RAB18: variants seen among roughly 807,000 people sequenced by gnomAD.
RAB18 encodes RAB18, member RAS oncogene family.
In RAB18, 10 loss-of-function variants were observed where a neutral mutation model predicts 28.5. That is an observed-to-expected ratio of 0.35 (90% CI 0.22 to 0.60). RAB18 has a LOEUF of 0.60. Among genes scored for constraint, RAB18 ranks in the 20% least tolerant of loss-of-function variants. The probability of loss-of-function intolerance (pLI) is 0.78; values close to 1 mark genes in which losing one functional copy is unlikely to be tolerated. For missense variants in RAB18, 188 were observed against 244.2 expected (o/e 0.77, Z 1.53); for synonymous variants, 93 against 86.9 (o/e 1.07, Z -0.39).
At chr10:27,506,572 T>C (rs1367955362) in intron 1 of RAB18, among the ~76,000 whole-genome samples, 1 of 152,132 alleles carries the variant, frequency 6.6e-6, no homozygotes, top group Admixed American at 6.5e-5. Context: ...TCCTCCTGCC[T>C]TGACCTCCCA....
At chr10:27,512,795 T>C (rs1268664939) in intron 2 of RAB18, among the ~76,000 whole-genome samples, 3 of 152,038 alleles carry the variant, frequency 2.0e-5, no homozygotes, top group African/African-American at 7.2e-5. Flanking sequence ...CTGTCTTCAT[T>C]ACAAACCCAA....
chr10:27,537,716 A>G (rs1823987358), intron 6 of RAB18, among the ~76,000 whole-genome samples, 160 bp from the exon 7 acceptor site: 1 of 152,112 alleles, frequency 6.6e-6, no homozygotes, highest in South Asian at 2.1e-4. Context: ...CAATTTTGAG[A>G]TTTGGAAATT....
intron 6 of RAB18, among the ~76,000 whole-genome samples, chr10:27,536,031 G>C (rs919691420): frequency 1.3e-5 from 2 of 149,072 alleles, no homozygotes; most frequent in South Asian, 2.1e-4. Flanking sequence ...TGCAGTGAGC[G>C]AGATCACGCC....
At chr10:27,523,304 A>T (rs1589575752) in intron 2 of RAB18, among the ~76,000 whole-genome samples, 1 of 33,970 alleles carries the variant, frequency 2.9e-5, no homozygotes, top group African/African-American at 1.2e-4. Flanking sequence ...GGGCTTATTG[A>T]GCTTTTTTGA....
intron 2 of RAB18, chr10:27,510,583 A>T (rs1051518147): frequency 6.5e-6 from 1 of 152,782 alleles, no homozygotes; most frequent in Non-Finnish European, 1.5e-5. Context: ...TGAAGAGACC[A>T]CTTGGAATAG....
intron 3 of RAB18, among the ~76,000 whole-genome samples, chr10:27,530,736 G>A (rs1247700050): frequency 1.3e-5 from 2 of 151,682 alleles, no homozygotes; most frequent in African/African-American, 4.8e-5. Context: ...CACTTTTACT[G>A]ATACACATAG....
chr10:27,531,058 A>G (rs534204113), intron 3 of RAB18, among the ~76,000 whole-genome samples: 3 of 152,246 alleles, frequency 2.0e-5, no homozygotes, highest in Admixed American at 1.3e-4. Context: ...AGGTTTTGTA[A>G]GAAACTTAGA....
chr10:27,532,951 G>T (rs1486221928), intron 4 of RAB18, among the ~76,000 whole-genome samples: 1 of 151,984 alleles, frequency 6.6e-6, no homozygotes, highest in Non-Finnish European at 1.5e-5. Flanking sequence ...AGTAGAATCT[G>T]CTTTATTAGT....
At chr10:27,519,321 A>T (rs977109245) in intron 2 of RAB18, among the ~76,000 whole-genome samples, 22 of 152,244 alleles carry the variant, frequency 1.4e-4, no homozygotes, top group African/African-American at 4.1e-4. Flanking sequence ...AAAAACATAC[A>T]ACTAACATCA....
chr10:27,524,737 G>C (rs1170399555), intron 2 of RAB18, among the ~76,000 whole-genome samples: 1 of 152,190 alleles, frequency 6.6e-6, no homozygotes, highest in Non-Finnish European at 1.5e-5. Flanking sequence ...CTCTCAAAAA[G>C]ACTCCCACTG....
At chr10:27,525,044 A>G (rs1834644490) in intron 2 of RAB18, among the ~76,000 whole-genome samples, 1 of 152,250 alleles carries the variant, frequency 6.6e-6, no homozygotes, top group Non-Finnish European at 1.5e-5. Context: ...ATTGTTAGTT[A>G]TCCACATGCA....
intron 3 of RAB18, among the ~76,000 whole-genome samples, chr10:27,532,033 A>G (rs567971195): frequency 6.6e-6 from 1 of 152,164 alleles, no homozygotes; most frequent in Non-Finnish European, 1.5e-5. Flanking sequence ...GCCCAACCTA[A>G]AAATCTGTTA....
intron 2 of RAB18, among the ~76,000 whole-genome samples, chr10:27,513,679 G>A (rs1250662107): frequency 6.6e-6 from 1 of 152,164 alleles, no homozygotes; most frequent in African/African-American, 2.4e-5. Flanking sequence ...TGGAAATGTT[G>A]CCAGGAGCAG....
At position 27,541,673 on chromosome 10, in the gene RAB18, C is replaced by T. The variant is rs1357771098; in HGVS notation, c.*3622C>T. ...TCCTCTTTTTTAACCGGAGAAGCAA[C>T]AAATTACGTAGTTTTTTTTGTGTTT... On this transcript the variant is annotated 3_prime_UTR_variant, in exon 7 of 7. Coordinates refer to ENST00000356940, the MANE Select transcript of RAB18 (RefSeq NM_021252.5). The T allele has an allele frequency of 2.2e-6, 1 of 447,326 alleles. No individual in the cohort carries two copies. The highest frequency in any genetic ancestry group is 2.4e-5 in the Admixed American group (1 of 41,356). The allele number at this position is 447,326 out of a possible 1,614,324, so 27.7% of individuals were successfully genotyped here.
At chr10:27,528,003 G>A (rs1834713147) in intron 3 of RAB18, among the ~76,000 whole-genome samples, 1 of 152,042 alleles carries the variant, frequency 6.6e-6, no homozygotes, top group Admixed American at 6.6e-5. Flanking sequence ...AAAACAATTT[G>A]GAAAATGTTG....
At chr10:27,518,680 A>G (rs1471626690) in intron 2 of RAB18, among the ~76,000 whole-genome samples, 2 of 152,048 alleles carry the variant, frequency 1.3e-5, no homozygotes, top group Non-Finnish European at 1.5e-5. Flanking sequence ...TTATTAGATG[A>G]TATATGCTTT....
chr10:27,534,043 TTGAA>T (rs1368170399), intron 6 of RAB18, 49 bp downstream of exon 6: 2 of 1,507,718 alleles, frequency 1.3e-6, no homozygotes, highest in African/African-American at 2.8e-5. Flanking sequence ...TGAGGAATTT[TTGAA>T]TGGAGTTTTT....
intron 3 of RAB18, among the ~76,000 whole-genome samples, chr10:27,528,509 G>A (rs1216544357): frequency 6.6e-6 from 1 of 151,960 alleles, no homozygotes; most frequent in African/African-American, 2.4e-5. Context: ...CAAAACAAAG[G>A]GATTATATTA....
At chr10:27,526,714 G>T in intron 2 of RAB18, 114 bp from the exon 3 acceptor site, 1 of 1,211,828 alleles carries the variant, frequency 8.3e-7, no homozygotes, top group Non-Finnish European at 1.2e-6. Flanking sequence ...TAAGAAGTTG[G>T]GGTGTGAATT....
Sources: gnomAD v4.1 joint callset for allele counts (sites outside exome capture counted in the v4.1 genomes callset) on GRCh38, gnomAD v4.1.1 for gene constraint, MANE v1.5 for transcripts, NCBI Gene and HGNC (gene_info 2026-07-23, HGNC 2026-07-21) for gene names.